RHOC: variants seen among roughly 807,000 people sequenced by gnomAD.
RHOC encodes the protein ras homolog family member C.
In RHOC, 13 loss-of-function variants were observed where a neutral mutation model predicts 19.5. The observed-to-expected ratio is 0.67, with a 90% confidence interval of 0.43 to 1.06. The LOEUF (loss-of-function observed/expected upper bound fraction) is 1.06, where lower values mean the gene tolerates loss of function less well. RHOC is among the 50% of genes least tolerant of loss of function. The pLI is 0.00. For missense variants in RHOC, 173 were observed against 256.9 expected (o/e 0.67, Z 2.23); for synonymous variants, 106 against 97.3 (o/e 1.09, Z -0.52).
intron 2 of RHOC, 65 bp from the exon 3 acceptor site, chr1:112,703,871 G>T: frequency 6.7e-7 from 1 of 1,493,454 alleles, no homozygotes. Flanking sequence ...CTTCTCTAGG[G>T]CCCCCAAACC....
At position 112,705,085 on chromosome 1, in the gene RHOC, G is replaced by C. The variant is rs1455006428; in HGVS notation, c.-8+15C>G. On this transcript the variant is annotated intron_variant, in intron 2 of 5. Transcript: ENST00000339083. ...GCTTCCCTCACTTCCTCCTTCCCTG[G>C]GGAGGGGAACTGACCTCCAGCCGGC... The C allele has an allele frequency of 1.4e-6, 1 of 702,416 alleles. No homozygotes were observed. The highest frequency in any genetic ancestry group is 2.6e-6 in the Non-Finnish European group (1 of 384,836). 43.5% of individuals were successfully genotyped at this position (702,416 alleles called of 1,614,324 possible).
chr1:112,706,801 GGGA>G lies in RHOC; in HGVS notation c.-77+274_-77+276del, dbSNP rs1423332855. On this transcript the variant is annotated intron_variant, in intron 1 of 5. Coordinates refer to ENST00000339083, the MANE Select transcript of RHOC (RefSeq NM_175744.5). Reference sequence around the variant, plus strand: ...CCGGCGGGGCAGGTTCCGGGAAGCTGGGAGGAGAAGGGAAGGGGCTCCGACTCG... The same window carrying G: ...CCGGCGGGGCAGGTTCCGGGAAGCTGGGAGAAGGGAAGGGGCTCCGACTCG... The G allele has an allele frequency of 3.3e-5, 5 of 152,104 alleles. 1 individual carries two copies. Among genetic ancestry groups the G allele is most frequent in the Admixed American group, 2.6e-4 (4 of 15,282 alleles). 9.4% of individuals were successfully genotyped at this position (152,104 alleles called of 1,614,324 possible).
chr1:112,705,066 C>A, intron 2 of RHOC, 34 bp downstream of exon 2: 1 of 702,648 alleles, frequency 1.4e-6, no homozygotes, highest in Non-Finnish European at 2.6e-6. Flanking sequence ...CGCAGCTTCC[C>A]TCACTTCCTC....
intron 1 of RHOC, among the ~76,000 whole-genome samples, chr1:112,706,422 TCTCTCTCTACACACACAC>T (rs1186690752): frequency 2.3e-5 from 2 of 87,874 alleles, no homozygotes; most frequent in East Asian, 3.7e-4. Context: ...TCTCTCTCTC[TCTCTCTCTACACACACAC>T]ACACACACAC....
Position 112,703,714 on chromosome 1 carries a change from T to C in RHOC, c.86A>G (p.Gln29Arg). ...AGTAGGGACGTAGACCTCCGGAAAC[T>C]GATCCTTGCTGAAGACGATGAGGAG... ...TCLLIVFSKD[Q>R]FPEVYVPTVF... Residue 29 changes from glutamine to arginine, a missense_variant, in exon 3 of 6, where the codon CAG (glutamine) becomes CGG (arginine). Coordinates refer to ENST00000339083, the MANE Select transcript of RHOC (RefSeq NM_175744.5). 6.2e-7 allele frequency: 1 copy of C among 1,613,548 alleles called. No individual in the cohort carries two copies.
At chr1:112,705,202 C>T (rs1302139681) in intron 1 of RHOC, 34 bp from the exon 2 acceptor site, 2 of 701,958 alleles carry the variant, frequency 2.8e-6, no homozygotes, top group Non-Finnish European at 5.2e-6. Context: ...AGAGTCTGGG[C>T]TGGGAGGAGC....
At position 112,706,430 on chromosome 1, in the gene RHOC, TACACACACACAC is replaced by T. The variant is rs149206424; in HGVS notation, c.-77+636_-77+647del. The stretch of plus-strand genomic sequence containing the variant: ...CATTTTCTCTCTCTCTCTCTCTCTC[TACACACACACAC>T]ACACACACACACACACACACACCAC... On this transcript the variant is annotated intron_variant, in intron 1 of 5. Transcript: ENST00000339083. Among the ~76,000 whole-genome samples, 84 of 49,676 alleles carry T rather than the reference TACACACACACAC, an allele frequency of 1.7e-3. 5 individuals carry two copies. Among genetic ancestry groups the T allele is most frequent in the Non-Finnish European group, 2.7e-3 (66 of 24,662 alleles). 32.6% of individuals were successfully genotyped at this position (49,676 alleles called of 152,430 possible). A position where few individuals can be genotyped will look rare whatever the true frequency, so the allele number is the denominator to read the frequency against.
At chr1:112,702,067 A>G (rs150105821) in intron 5 of RHOC, among the ~76,000 whole-genome samples, 2 of 152,280 alleles carry the variant, frequency 1.3e-5, no homozygotes, top group East Asian at 3.9e-4. Context: ...AAACTTTGCC[A>G]TAATTATCTT....
At chr1:112,704,871 G>A (rs980249672) in intron 2 of RHOC, 2 of 582,076 alleles carry the variant, frequency 3.4e-6, no homozygotes, top group African/African-American at 1.9e-5. Flanking sequence ...CAGTGACTGA[G>A]AAGAATCCAC....
In RHOC at chr1:112,706,430, T is replaced by TCC. The variant is rs1491269480; in HGVS notation, c.-77+647_-77+648insGG. 2.9e-3 allele frequency among the ~76,000 whole-genome samples: 142 copies of TCC among 49,694 alleles called. 10 individuals carry two copies. The highest frequency in any genetic ancestry group is 7.0e-3 in the African/African-American group (81 of 11,552). The allele number at this position is 49,694 out of a possible 152,430, so 32.6% of individuals were successfully genotyped here. ...CATTTTCTCTCTCTCTCTCTCTCTC[T>TCC]ACACACACACACACACACACACACA... On this transcript the variant is annotated intron_variant, in intron 1 of 5. Transcript: ENST00000339083.
Position 112,701,483 on chromosome 1 carries a change from G to A in RHOC, c.*57C>T, listed in dbSNP as rs530153735. ...CCCTCAGGAGGCTGGGGTTGTAGGGGGATAATTTCTGTACCCCTGTGAAGG... is the reference window on the plus strand; with the variant it reads ...CCCTCAGGAGGCTGGGGTTGTAGGGAGATAATTTCTGTACCCCTGTGAAGG... On this transcript the variant is annotated 3_prime_UTR_variant, in exon 6 of 6. Transcript: ENST00000339083. 48 of 1,613,918 alleles carry A rather than the reference G, an allele frequency of 3.0e-5. No individual in the cohort carries two copies. The African/African-American group carries it at 6.0e-4, about 20-fold the overall frequency.
At chr1:112,706,430 T>TCTACACAC (rs1491269480) in intron 1 of RHOC, among the ~76,000 whole-genome samples, 6 of 49,694 alleles carry the variant, frequency 1.2e-4, no homozygotes, top group Admixed American at 1.8e-4. Context: ...TCTCTCTCTC[T>TCTACACAC]ACACACACAC....
At chr1:112,706,024 C>A in intron 1 of RHOC, 1 of 221,100 alleles carries the variant, frequency 4.5e-6, no homozygotes, top group Non-Finnish European at 9.5e-6. Flanking sequence ...AGGCCCAAGG[C>A]CAAGATGGCA....
chr1:112,703,829 G>A, intron 2 of RHOC, 23 bp from the exon 3 acceptor site: 1 of 1,596,910 alleles, frequency 6.3e-7, no homozygotes, highest in Non-Finnish European at 8.5e-7. Flanking sequence ...ACGTATTGGG[G>A]ATTTGAGGAA....
chr1:112,705,220 G>A, intron 1 of RHOC, 52 bp from the exon 2 acceptor site: 1 of 700,238 alleles, frequency 1.4e-6, no homozygotes, highest in Non-Finnish European at 2.6e-6. Context: ...AGCCCCAAAA[G>A]AAGAGACAAA....
chr1:112,706,482 A>AC lies in RHOC; in HGVS notation c.-77+595dup, dbSNP rs776494527. Among the ~76,000 whole-genome samples, 103 of 19,040 alleles carry AC rather than the reference A, an allele frequency of 5.4e-3. 7 individuals carry two copies. The highest frequency in any genetic ancestry group is 0.017 in the East Asian group (6 of 344). 12.5% of individuals were successfully genotyped at this position (19,040 alleles called of 152,430 possible). On this transcript the variant is annotated intron_variant, in intron 1 of 5. Transcript: ENST00000339083. ...ACACACACCACACACACACACACAC[A>AC]CACACACACACACACACACACACAC...
Position 112,705,044 on chromosome 1 carries a change from T to C in RHOC, c.-8+56A>G. 3 of 702,306 alleles carry C rather than the reference T, an allele frequency of 4.3e-6. No homozygotes were observed. The South Asian group carries it at 4.4e-5, about 10-fold the overall frequency. 43.5% of individuals were successfully genotyped at this position (702,306 alleles called of 1,614,324 possible). ...CACACACAGCGAGCATCTGCACAGTTCATCACACCTTCGCAGCTTCCCTCA... is the reference window on the plus strand; with the variant it reads ...CACACACAGCGAGCATCTGCACAGTCCATCACACCTTCGCAGCTTCCCTCA... On this transcript the variant is annotated intron_variant, in intron 2 of 5. Transcript: ENST00000339083.
chr1:112,706,424 TCTCTCTACACACACAC>T (rs1160027402), intron 1 of RHOC, among the ~76,000 whole-genome samples: 2 of 71,088 alleles, frequency 2.8e-5, no homozygotes, highest in African/African-American at 9.9e-5. Context: ...TCTCTCTCTC[TCTCTCTACACACACAC>T]ACACACACAC....
At chr1:112,706,493 CACACA>C (rs1557780811) in intron 1 of RHOC, among the ~76,000 whole-genome samples, 14 of 31,264 alleles carry the variant, frequency 4.5e-4, no homozygotes, top group Non-Finnish European at 6.9e-4. Flanking sequence ...CACACACACA[CACACA>C]CACACACACA....
Sources: allele counts gnomAD v4.1 joint callset (sites outside exome capture counted in the v4.1 genomes callset), GRCh38; gene constraint gnomAD v4.1.1; transcripts MANE v1.5; gene names NCBI Gene and HGNC (gene_info 2026-07-23, HGNC 2026-07-21).